Variants in ZIM2 observed in about 807,000 individuals in gnomAD.
ZIM2 encodes the protein zinc finger protein 656.
Under a neutral mutation model 38.6 loss-of-function variants are expected in ZIM2, and 14 were observed. That is an observed-to-expected ratio of 0.36 (90% CI 0.24 to 0.57). The LOEUF is 0.57. Among genes scored for constraint, ZIM2 ranks in the 20% least tolerant of loss-of-function variants. ZIM2 has a pLI of 0.81. For missense variants in ZIM2, 680 were observed against 695.1 expected (o/e 0.98, Z 0.24); for synonymous variants, 247 against 245.8 (o/e 1.00, Z -0.04).
chr19:56,809,262 T>A (rs1197808960), intron 9 of ZIM2, among the ~76,000 whole-genome samples: 2 of 152,170 alleles, frequency 1.3e-5, no homozygotes, highest in African/African-American at 4.8e-5. Flanking sequence ...GATATAAAGT[T>A]CTAAGAACAT....
chr19:56,818,907 G>A (rs2060223768), intron 7 of ZIM2, among the ~76,000 whole-genome samples: 1 of 152,244 alleles, frequency 6.6e-6, no homozygotes, highest in South Asian at 2.1e-4. Context: ...AGATCCCAAA[G>A]ACGCATGACA....
chr19:56,795,837 C>T (rs1158456842), intron 9 of ZIM2, among the ~76,000 whole-genome samples: 1 of 151,800 alleles, frequency 6.6e-6, no homozygotes, highest in Admixed American at 6.6e-5. Flanking sequence ...CGAGACTCCA[C>T]CTCAAAAAAA....
intron 2 of ZIM2, among the ~76,000 whole-genome samples, chr19:56,828,650 G>A (rs1239122574): frequency 6.6e-6 from 1 of 152,148 alleles, no homozygotes; most frequent in Non-Finnish European, 1.5e-5. Context: ...AAAGGGAGGG[G>A]GAAAAGTATT....
intron 9 of ZIM2, chr19:56,815,250 TTGAGACTCCTCGCCA>T: frequency 6.2e-7 from 1 of 1,614,236 alleles, no homozygotes; most frequent in Non-Finnish European, 8.5e-7. Context: ...TATTCTCGCC[TTGAGACTCCTCGCCA>T]TGAGACTTCT....
intron 6 of ZIM2, among the ~76,000 whole-genome samples, chr19:56,822,029 TAC>T (rs2060542434): frequency 6.6e-6 from 1 of 152,060 alleles, no homozygotes; most frequent in African/African-American, 2.4e-5. Context: ...TGGGTCCAGG[TAC>T]AGTGTCCACT....
At chr19:56,835,836 G>C (rs867079719) in intron 2 of ZIM2, among the ~76,000 whole-genome samples, 182 bp downstream of exon 2, 2 of 152,222 alleles carry the variant, frequency 1.3e-5, no homozygotes, top group African/African-American at 4.8e-5. Flanking sequence ...GATGGTGTGA[G>C]GCCAAGGAGA....
chr19:56,792,719 A>G (rs4390697), intron 9 of ZIM2, among the ~76,000 whole-genome samples: 1 of 152,072 alleles, frequency 6.6e-6, no homozygotes, highest in Non-Finnish European at 1.5e-5. Context: ...TATGTTCACT[A>G]CTTGGGTGAC....
At chr19:56,813,423 A>C (rs1043899450) in intron 9 of ZIM2, 3 of 1,296,838 alleles carry the variant, frequency 2.3e-6, no homozygotes, top group Admixed American at 7.1e-5. Context: ...TCTCAATCTG[A>C]TTACTTGGAA....
intron 1 of ZIM2, among the ~76,000 whole-genome samples, chr19:56,837,082 T>A (rs909658663): frequency 2.0e-5 from 3 of 151,300 alleles, no homozygotes; most frequent in African/African-American, 7.3e-5. Flanking sequence ...ACTTAAGATC[T>A]CCTTGGGTGG....
intron 10 of ZIM2, among the ~76,000 whole-genome samples, chr19:56,789,586 A>G (rs2046815596): frequency 6.6e-6 from 1 of 152,220 alleles, no homozygotes; most frequent in South Asian, 2.1e-4. Context: ...ACAGAAAAAA[A>G]GGAAAAATAT....
At chr19:56,808,647 T>C (rs12461165) in intron 9 of ZIM2, among the ~76,000 whole-genome samples, 120,187 of 152,020 alleles carry the variant, frequency 0.79, 47,600 homozygotes, top group South Asian at 0.85. Context: ...CTGCAGACAG[T>C]GTATGTTCAT....
chr19:56,802,398 A>G (rs2047565677), intron 9 of ZIM2, among the ~76,000 whole-genome samples: 1 of 152,216 alleles, frequency 6.6e-6, no homozygotes, highest in South Asian at 2.1e-4. Flanking sequence ...GAGATGCACT[A>G]AAAGGGATGG....
chr19:56,832,954 TG>T (rs2061716764), intron 2 of ZIM2, among the ~76,000 whole-genome samples: 1 of 152,238 alleles, frequency 6.6e-6, no homozygotes, highest in African/African-American at 2.4e-5. Flanking sequence ...AATAAAAGCA[TG>T]GCTCTTACAA....
chr19:56,803,606 G>A (rs925100463), intron 9 of ZIM2, among the ~76,000 whole-genome samples: 2 of 152,216 alleles, frequency 1.3e-5, no homozygotes, highest in African/African-American at 4.8e-5. Context: ...AAAGGGGCAG[G>A]TTAAACTCTT....
intron 1 of ZIM2, 27 bp downstream of exon 1, chr19:56,840,540 CCGCGGGCAGGAGGCG>C (rs891470370): frequency 1.3e-5 from 2 of 152,278 alleles, no homozygotes; most frequent in Non-Finnish European, 2.9e-5. Flanking sequence ...CACCAAGGTC[CCGCGGGCAGGAGGCG>C]CGCGGGGCGG....
intron 9 of ZIM2, among the ~76,000 whole-genome samples, chr19:56,801,941 A>G (rs977144213): frequency 6.6e-6 from 1 of 152,198 alleles, no homozygotes; most frequent in African/African-American, 2.4e-5. Flanking sequence ...ATACCTATCC[A>G]TAAAGTACCA....
intron 9 of ZIM2, chr19:56,816,643 CGTTCACGTTCAT>C (rs764504902): frequency 1.9e-6 from 3 of 1,613,556 alleles, no homozygotes; most frequent in African/African-American, 1.3e-5. Context: ...CTCACGTTCA[CGTTCACGTTCAT>C]GTTCACGCTC....
At position 56,775,496 on chromosome 19, in the gene ZIM2, T is replaced by G; in HGVS notation, c.869A>C (p.Gln290Pro). The G allele has an allele frequency of 1.2e-6, 2 of 1,613,446 alleles. No individual in the cohort carries two copies. The highest frequency in any genetic ancestry group is 1.7e-6 in the Non-Finnish European group (2 of 1,179,832). Residue 290 changes from glutamine (Q) to proline (P), a missense_variant, in exon 13 of 13, where the codon CAG becomes CCG. By Grantham distance (76) the Gln-to-Pro change is moderately conservative (BLOSUM62 -1). Transcript: ENST00000629319. ...ESHDDPLEPH[Q>P]GNQEKLLTPI... The stretch of plus-strand genomic sequence containing the variant: ...AGTCAAAAGTTTCTCTTGGTTGCCC[T>G]GGTGTGGTTCCAATGGATCATCATG...
At chr19:56,779,270 G>T in intron 12 of ZIM2, 107 bp downstream of exon 12, 1 of 1,060,294 alleles carries the variant, frequency 9.4e-7, no homozygotes, top group South Asian at 1.4e-5. Context: ...TGAGGAGAAA[G>T]GGCACCTACC....
Sources: allele counts gnomAD v4.1 joint callset (sites outside exome capture counted in the v4.1 genomes callset), GRCh38; gene constraint gnomAD v4.1.1; transcripts MANE v1.5; gene names NCBI Gene and HGNC (gene_info 2026-07-23, HGNC 2026-07-21).